Variants in KCNIP1 observed in about 807,000 individuals in gnomAD.
KCNIP1 encodes A-type potassium channel modulatory protein KCNIP1.
KCNIP1 carries 18 observed loss-of-function variants against 33.0 expected under a neutral mutation model. That is an observed-to-expected ratio of 0.55 (90% CI 0.38 to 0.81). The LOEUF (loss-of-function observed/expected upper bound fraction) is 0.81, where lower values mean the gene tolerates loss of function less well. KCNIP1 is among the 30% of genes least tolerant of loss of function. KCNIP1 has a pLI of 0.00. For missense variants in KCNIP1, 238 were observed against 271.6 expected (o/e 0.88, Z 0.87); for synonymous variants, 93 against 98.3 (o/e 0.95, Z 0.32).
chr5:170,355,140 G>A lies in KCNIP1; in HGVS notation c.88+1176G>A, dbSNP rs1305042245. Among the ~76,000 whole-genome samples, 4 of 152,206 alleles carry A rather than the reference G, an allele frequency of 2.6e-5. No homozygotes were observed. The East Asian group carries it at 5.8e-4, about 22-fold the overall frequency. ...TTTATCTCCTTCCTTGGGATGTTCT[G>A]ACCTTCCTGTTATTTCCCTACCATC... On this transcript the variant is annotated intron_variant, in intron 1 of 7. Coordinates refer to the KCNIP1 transcript ENST00000377360.
chr5:170,571,323 C>A (rs1056406236), intron 1 of KCNIP1, among the ~76,000 whole-genome samples: 3 of 152,218 alleles, frequency 2.0e-5, no homozygotes, highest in Admixed American at 2.0e-4. Flanking sequence ...CTAGACTCAT[C>A]TCTTCCCTGG....
chr5:170,428,788 G>C (rs1049210085), intron 1 of KCNIP1, among the ~76,000 whole-genome samples: 1 of 152,082 alleles, frequency 6.6e-6, no homozygotes, highest in Non-Finnish European at 1.5e-5. Flanking sequence ...ATGCCCCTTT[G>C]ATCAAAGCCT....
At chr5:170,676,054 G>GAGGGTGGAAGATGAAAGAAGGA (rs1762121083) in intron 1 of KCNIP1, among the ~76,000 whole-genome samples, 1 of 122,934 alleles carries the variant, frequency 8.1e-6, no homozygotes, top group Admixed American at 9.6e-5. Context: ...GAGCAGAAAG[G>GAGGGTGGAAGATGAAAGAAGGA]AGGGAGGAAG....
chr5:170,412,436 T>C (rs1212351144), intron 1 of KCNIP1, among the ~76,000 whole-genome samples: 1 of 152,042 alleles, frequency 6.6e-6, no homozygotes, highest in Non-Finnish European at 1.5e-5. Context: ...GGTAAATGAT[T>C]TGGGGAGATT....
chr5:170,581,161 C>T (rs1757781676), intron 1 of KCNIP1, among the ~76,000 whole-genome samples: 1 of 152,178 alleles, frequency 6.6e-6, no homozygotes, highest in Non-Finnish European at 1.5e-5. Flanking sequence ...CACGTCCAAC[C>T]CCCATCAGGT....
At chr5:170,380,679 C>A (rs566459457) in intron 1 of KCNIP1, among the ~76,000 whole-genome samples, 1 of 152,222 alleles carries the variant, frequency 6.6e-6, no homozygotes, top group African/African-American at 2.4e-5. Context: ...ACTGCCAGGT[C>A]CTCAGTAGCA....
intron 1 of KCNIP1, among the ~76,000 whole-genome samples, chr5:170,510,246 G>A (rs184788828): frequency 1.3e-5 from 2 of 152,306 alleles, no homozygotes; most frequent in Admixed American, 6.5e-5. Flanking sequence ...AACACACTAT[G>A]AGGTTGTCAT....
At chr5:170,516,200 C>G (rs1755113836) in intron 1 of KCNIP1, among the ~76,000 whole-genome samples, 1 of 152,184 alleles carries the variant, frequency 6.6e-6, no homozygotes, top group African/African-American at 2.4e-5. Flanking sequence ...ACTGTGCCCT[C>G]TCAGCACCAC....
intron 1 of KCNIP1, among the ~76,000 whole-genome samples, chr5:170,609,647 C>A (rs967432421): frequency 1.3e-4 from 20 of 151,902 alleles, no homozygotes; most frequent in South Asian, 8.4e-4. Context: ...TCAAGACCAG[C>A]CTGGGCAACA....
rs369043648 is a variant in KCNIP1 at position 170,667,294 on chromosome 5, AAG to A, written c.62-51461_62-51460del. Among the ~76,000 whole-genome samples, 154 of 149,702 alleles carry A rather than the reference AAG, an allele frequency of 1.0e-3. 3 individuals are homozygous for A. The East Asian group carries it at 0.024, about 23-fold the overall frequency. On this transcript the variant is annotated intron_variant, in intron 1 of 7. Coordinates refer to ENST00000328939, the MANE Select transcript of KCNIP1 (RefSeq NM_014592.4). ...GCCATTGCACTCCAGCCTGAGCAAC[AAG>A]AGTGAAACTCCGTCTCAAAAAAAAA...
At chr5:170,666,973 A>T (rs1761728271) in intron 1 of KCNIP1, among the ~76,000 whole-genome samples, 1 of 152,246 alleles carries the variant, frequency 6.6e-6, no homozygotes, top group Non-Finnish European at 1.5e-5. Context: ...GATAATATAT[A>T]CAAAGTGCTC....
At chr5:170,433,290 G>A (rs561360363) in intron 1 of KCNIP1, among the ~76,000 whole-genome samples, 8 of 152,228 alleles carry the variant, frequency 5.3e-5, no homozygotes, top group African/African-American at 1.9e-4. Context: ...GGGTTCGGGC[G>A]ATTCTCCTGC....
intron 1 of KCNIP1, among the ~76,000 whole-genome samples, chr5:170,357,030 G>A (rs985508669): frequency 2.6e-5 from 4 of 152,138 alleles, no homozygotes; most frequent in Non-Finnish European, 1.5e-5. Flanking sequence ...AGGAAAGGCT[G>A]GGTGGGCAGG....
chr5:170,651,294 C>T (rs1257650619), intron 1 of KCNIP1, among the ~76,000 whole-genome samples: 1 of 152,120 alleles, frequency 6.6e-6, no homozygotes, highest in African/African-American at 2.4e-5. Flanking sequence ...ATATTAAATC[C>T]ATTTCTTATC....
At chr5:170,438,767 G>A (rs149000806) in intron 1 of KCNIP1, among the ~76,000 whole-genome samples, 35 of 152,178 alleles carry the variant, frequency 2.3e-4, no homozygotes, top group Non-Finnish European at 4.4e-4. Context: ...ATCTGACTTC[G>A]ACATGTTTCT....
intron 1 of KCNIP1, among the ~76,000 whole-genome samples, chr5:170,372,271 G>A (rs1272813613): frequency 6.6e-6 from 1 of 152,152 alleles, no homozygotes; most frequent in Non-Finnish European, 1.5e-5. Flanking sequence ...AGACACACAG[G>A]GCAAGGTATG....
At chr5:170,616,245 C>A (rs1164214393) in intron 1 of KCNIP1, among the ~76,000 whole-genome samples, 1 of 152,156 alleles carries the variant, frequency 6.6e-6, no homozygotes, top group Middle Eastern at 3.2e-3. Flanking sequence ...TGTAGAAGGG[C>A]CTGGTACTCA....
intron 1 of KCNIP1, among the ~76,000 whole-genome samples, chr5:170,626,709 C>G (rs1170670964): frequency 6.6e-6 from 1 of 152,210 alleles, no homozygotes; most frequent in East Asian, 1.9e-4. Context: ...CTGGAGCTGT[C>G]CGGGCCACAG....
intron 1 of KCNIP1, among the ~76,000 whole-genome samples, chr5:170,441,751 A>T (rs1265472510): frequency 1.3e-5 from 2 of 152,028 alleles, no homozygotes; most frequent in African/African-American, 2.4e-5. Context: ...GAAGATGGAG[A>T]CCATCCTGGC....
Sources: allele counts gnomAD v4.1 joint callset (sites outside exome capture counted in the v4.1 genomes callset), GRCh38; gene constraint gnomAD v4.1.1; transcripts MANE v1.5; gene names NCBI Gene and HGNC (gene_info 2026-07-23, HGNC 2026-07-21).